Variants in POLR1C observed in about 807,000 individuals in gnomAD.
POLR1C encodes the protein RNA polymerase I and III subunit C.
A neutral mutation model predicts 38.3 loss-of-function variants in POLR1C; 42 were observed. The ratio of observed to expected loss-of-function variants is 1.10; its 90% CI spans 0.86 to 1.42. POLR1C has a LOEUF of 1.42. POLR1C is among the 40% of genes most tolerant of loss of function. The pLI is 0.00. For missense variants in POLR1C, 507 were observed against 450.5 expected, an observed-to-expected ratio of 1.13 and a Z score of -1.14; for synonymous variants, 163 against 163.9, an observed-to-expected ratio of 0.99 and a Z score of 0.04.
intron 9 of POLR1C, among the ~76,000 whole-genome samples, chr6:43,537,961 G>A (rs1379133910): frequency 6.6e-6 from 1 of 150,704 alleles, no homozygotes; most frequent in East Asian, 2.0e-4. Context: ...CCAGCTACTC[G>A]AGAGGCTGAG....
At chr6:43,520,499 C>CAGCTGAGACATTCCCGGCAGGTAGAA in intron 6 of POLR1C, 72 bp downstream of exon 6, 3 of 1,603,530 alleles carry the variant, frequency 1.9e-6, no homozygotes, top group Non-Finnish European at 2.6e-6. Flanking sequence ...CTAGGGAACT[C>CAGCTGAGACATTCCCGGCAGGTAGAA]AGCTGAGACA....
chr6:43,531,358 G>T, downstream of POLR1C: 2 of 875,144 alleles, frequency 2.3e-6, no homozygotes, highest in African/African-American at 1.7e-5. Flanking sequence ...AGAATGATAA[G>T]TTTCCTATCA....
chr6:43,553,223 G>T, intron 10 of POLR1C: 3 of 981,352 alleles, frequency 3.1e-6, no homozygotes, highest in Non-Finnish European at 4.2e-6. Flanking sequence ...GATTGCTTGA[G>T]CCCAGGAGTT....
chr6:43,527,742 C>G, intron 8 of POLR1C: 1 of 1,613,832 alleles, frequency 6.2e-7, no homozygotes, highest in Non-Finnish European at 8.5e-7. Context: ...CTGCAGAAAA[C>G]CAGGGGGCCA....
At position 43,520,168 on chromosome 6, in the gene POLR1C, T is replaced by G. The variant is rs1203004123; in HGVS notation, c.485T>G (p.Leu162Arg). The change falls in exon 5 of 9, where the codon CTG (leucine) becomes CGG (arginine). Residue 162 changes from leucine to arginine, a missense_variant. Transcript: ENST00000642195. ...AAAGATTCCTCTGACCCCAACGAAC[T>G]GTACGTGAACCACAAAGGTGAGTAG... ...AAKDSSDPNE[L>R]YVNHKVYTRH... 6.2e-7 allele frequency: 1 copy of G among 1,614,082 alleles called. No homozygotes were observed. The highest frequency in any genetic ancestry group is 8.5e-7 in the Non-Finnish European group (1 of 1,180,054).
chr6:43,521,152 CCTAGA>C lies in POLR1C; in HGVS notation c.923-26_923-22del, dbSNP rs148998616. The C allele has an allele frequency of 1.8e-3, 2,884 of 1,611,986 alleles. 29 individuals carry two copies. In the African/African-American group the frequency reaches 0.031, roughly 17 times the overall value. ...GAGTAAGTTTTACAGGCAAGCCCTGCCTAGACTAAAGTGTCTCTTTGGTCCCCAGT... is the reference window on the plus strand; with the variant it reads ...GAGTAAGTTTTACAGGCAAGCCCTGCCTAAAGTGTCTCTTTGGTCCCCAGT... On this transcript the variant is annotated intron_variant, in intron 8 of 8. Transcript: ENST00000642195.
chr6:43,538,210 C>T (rs949686403), intron 9 of POLR1C, among the ~76,000 whole-genome samples: 43 of 115,850 alleles, frequency 3.7e-4, no homozygotes, highest in East Asian at 6.1e-4. Context: ...AGTACAATGG[C>T]GTGATCTCAG....
downstream of POLR1C, chr6:43,534,074 G>T: frequency 1.6e-6 from 2 of 1,242,904 alleles, no homozygotes; most frequent in Non-Finnish European, 2.3e-6. Context: ...GGTTTTGCTT[G>T]TAATCCAGTG....
intron 10 of POLR1C, chr6:43,551,411 G>T (rs1795222141): frequency 6.2e-7 from 1 of 1,613,930 alleles, no homozygotes; most frequent in African/African-American, 1.3e-5. Flanking sequence ...TCAAAGTTCA[G>T]AACCATCTGC....
intron 10 of POLR1C, chr6:43,555,801 C>T: frequency 6.2e-7 from 1 of 1,612,826 alleles, no homozygotes; most frequent in Non-Finnish European, 8.5e-7. Flanking sequence ...ACTGTCCTAA[C>T]ATTTCACTAA....
chr6:43,518,101 T>C (rs1271868278), intron 2 of POLR1C, among the ~76,000 whole-genome samples: 2 of 151,828 alleles, frequency 1.3e-5, no homozygotes, highest in Non-Finnish European at 1.5e-5. Context: ...GTAGGCAAGG[T>C]TGAAGTGTGT....
chr6:43,520,564 A>T lies in POLR1C; in HGVS notation c.656-61A>T. On this transcript the variant is annotated intron_variant, in intron 6 of 8. Transcript: ENST00000642195. The stretch of plus-strand genomic sequence containing the variant: ...GTGCTTTTGCTGTTAGTAGCTTAGG[A>T]GGAGTATTCTTCCTAACCCTAGAAG... 3 of 1,604,124 alleles carry T rather than the reference A, an allele frequency of 1.9e-6. No homozygotes were observed. The South Asian group carries it at 3.3e-5, about 18-fold the overall frequency.
At chr6:43,560,296 C>T (rs774916295) in intron 10 of POLR1C, 3 of 1,603,216 alleles carry the variant, frequency 1.9e-6, no homozygotes, top group African/African-American at 1.3e-5. Flanking sequence ...AGTTGAAGAG[C>T]GTAGAAACTA....
intron 3 of POLR1C, 65 bp downstream of exon 3, chr6:43,519,505 G>C: frequency 7.3e-7 from 1 of 1,363,146 alleles, no homozygotes; most frequent in Non-Finnish European, 1.1e-6. Flanking sequence ...CTCACTTGGA[G>C]AATTAAGTGT....
At chr6:43,519,939 C>T (rs1183548631) in intron 4 of POLR1C, 101 bp downstream of exon 4, 8 of 1,537,764 alleles carry the variant, frequency 5.2e-6, no homozygotes, top group African/African-American at 4.1e-5. Flanking sequence ...CAGTGTCTTT[C>T]ATCTGTGAGA....
chr6:43,530,088 C>T (rs887303019), downstream of POLR1C, among the ~76,000 whole-genome samples: 1 of 152,028 alleles, frequency 6.6e-6, no homozygotes, highest in Non-Finnish European at 1.5e-5. Context: ...AAACCTGTCT[C>T]TACTAAAAAT....
chr6:43,548,149 ATAATGC>A (rs1197406183), intron 9 of POLR1C: 1 of 1,065,046 alleles, frequency 9.4e-7, no homozygotes, highest in African/African-American at 1.6e-5. Flanking sequence ...GATATCATGG[ATAATGC>A]CATCACACTT....
chr6:43,539,627 C>A, intron 9 of POLR1C: 3 of 1,344,306 alleles, frequency 2.2e-6, no homozygotes, highest in Non-Finnish European at 3.1e-6. Flanking sequence ...GAAACCTCTG[C>A]GGAAGCCACC....
At chr6:43,555,651 A>T in intron 10 of POLR1C, 1 of 590,840 alleles carries the variant, frequency 1.7e-6, no homozygotes, top group Non-Finnish European at 2.6e-6. Context: ...AAACAAATTT[A>T]AAATGTGTCA....
Sources: allele counts gnomAD v4.1 joint callset (sites outside exome capture counted in the v4.1 genomes callset), GRCh38; gene constraint gnomAD v4.1.1; transcripts MANE v1.5; gene names NCBI Gene and HGNC (gene_info 2026-07-23, HGNC 2026-07-21).